Variants in MTMR12 observed in about 807,000 individuals in gnomAD.
MTMR12 encodes the protein myotubularin related protein 12.
MTMR12 carries 33 observed loss-of-function variants against 96.7 expected under a neutral mutation model. The observed-to-expected ratio is 0.34, with a 90% CI of 0.26 to 0.46. MTMR12 has a LOEUF of 0.46. MTMR12 is among the 20% of genes least tolerant of loss of function. The probability of loss-of-function intolerance (pLI) is 1.00; values close to 1 mark genes in which losing one functional copy is unlikely to be tolerated. For missense variants in MTMR12, 721 were observed against 896.1 expected, an observed-to-expected ratio of 0.80 and a Z score of 2.49; for synonymous variants, 298 against 327.2, an observed-to-expected ratio of 0.91 and a Z score of 0.96.
At chr5:32,298,505 G>C (rs1751007370) in intron 1 of MTMR12, among the ~76,000 whole-genome samples, 1 of 152,118 alleles carries the variant, frequency 6.6e-6, no homozygotes. Flanking sequence ...AGGACAGAAA[G>C]GAAATCCATG....
intron 1 of MTMR12, among the ~76,000 whole-genome samples, chr5:32,299,579 A>C (rs113126086): frequency 0.018 from 2,718 of 152,238 alleles, 39 homozygotes; most frequent in Middle Eastern, 0.041. Context: ...AAGAGCTGGG[A>C]GAAGTTAAAA....
At chr5:32,230,389 C>T in intron 15 of MTMR12, 42 bp from the exon 16 acceptor site, 1 of 1,522,842 alleles carries the variant, frequency 6.6e-7, no homozygotes, top group African/African-American at 1.4e-5. Context: ...GTTAACATAA[C>T]AGGCACAGTT....
intron 7 of MTMR12, among the ~76,000 whole-genome samples, chr5:32,258,666 AG>A (rs1749233589): frequency 6.6e-6 from 1 of 152,160 alleles, no homozygotes; most frequent in Non-Finnish European, 1.5e-5. Context: ...CATTAAATGG[AG>A]ACGCACTGCT....
At chr5:32,291,971 T>G (rs1581638844) in intron 1 of MTMR12, among the ~76,000 whole-genome samples, 2 of 152,182 alleles carry the variant, frequency 1.3e-5, no homozygotes, top group Non-Finnish European at 1.5e-5. Context: ...CTACCATCCA[T>G]GGACTCACGG....
chr5:32,257,001 C>T (rs966172011), intron 7 of MTMR12, among the ~76,000 whole-genome samples: 87 of 152,184 alleles, frequency 5.7e-4, no homozygotes, highest in African/African-American at 2.0e-3. Flanking sequence ...TTGTAAGACA[C>T]GGCTGGACGC....
chr5:32,252,783 T>C (rs1337260982), intron 8 of MTMR12, among the ~76,000 whole-genome samples: 5 of 152,268 alleles, frequency 3.3e-5, no homozygotes, highest in Admixed American at 1.3e-4. Context: ...TTTTATGTTT[T>C]TGCAAATCTC....
intron 1 of MTMR12, among the ~76,000 whole-genome samples, chr5:32,306,793 G>A (rs1219726955): frequency 6.6e-6 from 1 of 152,110 alleles, no homozygotes; most frequent in Non-Finnish European, 1.5e-5. Flanking sequence ...GTATAATGGA[G>A]GCAGAGTATA....
intron 1 of MTMR12, among the ~76,000 whole-genome samples, chr5:32,293,652 CT>C (rs1368250761): frequency 6.6e-6 from 1 of 152,164 alleles, no homozygotes; most frequent in Non-Finnish European, 1.5e-5. Context: ...TCAAGTCTCC[CT>C]TCTGGGCAGG....
chr5:32,274,068 G>A lies in MTMR12; in HGVS notation c.197C>T (p.Ser66Phe). 1 of 1,614,162 alleles carries A rather than the reference G, an allele frequency of 6.2e-7. No individual in the cohort carries two copies. The highest frequency in any genetic ancestry group is 1.3e-5 in the African/African-American group (1 of 75,046). ...STVLKYVQEDSCQHGVYGRLV... is the reference protein window; with the variant it reads ...STVLKYVQEDFCQHGVYGRLV... Reference sequence around the variant, plus strand: ...CCTCCCATAGACCCCATGCTGACAGGAATCTTCCTGGACATACTTCAGTAC... The same window carrying A: ...CCTCCCATAGACCCCATGCTGACAGAAATCTTCCTGGACATACTTCAGTAC... The change falls in exon 3 of 16, where the codon TCC becomes TTC. Residue 66 changes from serine to phenylalanine, a missense_variant. Transcript: ENST00000382142.
intron 3 of MTMR12, 50 bp downstream of exon 3, chr5:32,273,930 C>A (rs1561783288): frequency 1.9e-6 from 3 of 1,605,452 alleles, no homozygotes; most frequent in South Asian, 1.1e-5. Flanking sequence ...ACAACGGAAC[C>A]ACAACCACAC....
At chr5:32,311,668 G>C (rs975681960) in intron 1 of MTMR12, among the ~76,000 whole-genome samples, 1 of 152,228 alleles carries the variant, frequency 6.6e-6, no homozygotes, top group East Asian at 1.9e-4. Context: ...AAGAAGCCCT[G>C]AGCAAGGCCT....
rs754140107 is a variant in MTMR12, at chr5:32,302,722, TA to T, written c.81+10035del. Among the ~76,000 whole-genome samples the T allele has an allele frequency of 7.5e-3, 697 of 93,284 alleles. 2 individuals carry two copies. Among genetic ancestry groups the T allele is most frequent in the South Asian group, 7.4e-3 (23 of 3,122 alleles). The allele number at this position is 93,284 out of a possible 152,430, so 61.2% of individuals were successfully genotyped here. On this transcript the variant is annotated intron_variant, in intron 1 of 15. Transcript: ENST00000382142. ...CCAGGCGACAGAGCAAGACTCCGTA[TA>T]AAAAAAAAAAAAAAATTAGGGAAGA...
chr5:32,234,040 A>G, intron 14 of MTMR12, 106 bp from the exon 15 acceptor site: 1 of 1,322,752 alleles, frequency 7.6e-7, no homozygotes, highest in Non-Finnish European at 1.0e-6. Flanking sequence ...CTCTGCCCTG[A>G]GAATGAATAA....
At position 32,228,603 on chromosome 5, in the gene MTMR12, TATATCATATATATGA is replaced by T. The variant is rs1357527038; in HGVS notation, c.*1160_*1174del. 2 of 120,818 alleles carry T rather than the reference TATATCATATATATGA, an allele frequency of 1.7e-5. No individual in the cohort carries two copies. Among genetic ancestry groups the T allele is most frequent in the African/African-American group, 6.0e-5 (2 of 33,158 alleles). 7.5% of individuals were successfully genotyped at this position (120,818 alleles called of 1,614,324 possible). A position where few individuals can be genotyped will look rare whatever the true frequency, so the allele number is the denominator to read the frequency against. ...ATCATATATATGTGATATATATATATATATCATATATATGATATATATATATCACATATATATCAT... is the reference window on the plus strand; with the variant it reads ...ATCATATATATGTGATATATATATATTATATATATATCACATATATATCAT... On this transcript the variant is annotated 3_prime_UTR_variant, in exon 16 of 16. Transcript: ENST00000382142.
intron 2 of MTMR12, among the ~76,000 whole-genome samples, chr5:32,275,484 C>T (rs556531334): frequency 6.6e-6 from 1 of 152,304 alleles, no homozygotes; most frequent in South Asian, 2.1e-4. Context: ...GTACTAGCGA[C>T]CAGAAATTAG....
intron 1 of MTMR12, among the ~76,000 whole-genome samples, chr5:32,293,628 C>T (rs560085002): frequency 2.0e-5 from 3 of 152,284 alleles, no homozygotes; most frequent in Admixed American, 6.5e-5. Context: ...CTCACTTTCT[C>T]GGGCTCTTCT....
At chr5:32,257,771 AAAACAAACAAAC>A (rs368998862) in intron 7 of MTMR12, among the ~76,000 whole-genome samples, 7 of 151,758 alleles carry the variant, frequency 4.6e-5, no homozygotes, top group South Asian at 2.1e-4. Flanking sequence ...CTGTCTCAAA[AAAACAAACAAAC>A]AAACAAACAA....
intron 1 of MTMR12, among the ~76,000 whole-genome samples, chr5:32,305,903 C>CAA (rs911245902): frequency 1.4e-4 from 16 of 111,748 alleles, no homozygotes; most frequent in South Asian, 2.8e-4. Flanking sequence ...AACTCCGTCT[C>CAA]AAAAAAAAAA....
intron 1 of MTMR12, among the ~76,000 whole-genome samples, chr5:32,303,900 AC>A (rs1751246056): frequency 6.6e-6 from 1 of 151,702 alleles, no homozygotes. Flanking sequence ...CACAAGCACA[AC>A]TTGATGAGAA....
Sources: allele counts gnomAD v4.1 joint callset (sites outside exome capture counted in the v4.1 genomes callset), GRCh38; gene constraint gnomAD v4.1.1; transcripts MANE v1.5; gene names NCBI Gene and HGNC (gene_info 2026-07-23, HGNC 2026-07-21).